Variants in MAPK4 observed in about 807,000 individuals in gnomAD.
MAPK4 encodes mitogen-activated protein kinase 4, also known as Erk3-related.
MAPK4 carries 22 observed loss-of-function variants against 47.7 expected under a neutral mutation model. The ratio of observed to expected loss-of-function variants is 0.46; its 90% confidence interval spans 0.33 to 0.66. The LOEUF (loss-of-function observed/expected upper bound fraction) is 0.66. Ranked by LOEUF, MAPK4 falls within the 30% of genes least tolerant of loss-of-function variation. The pLI, the probability that MAPK4 is intolerant of heterozygous loss-of-function variation, is 0.02. For synonymous variants in MAPK4, 390 were observed against 365.7 expected (o/e 1.07, Z -0.76); for missense variants, 736 against 831.7 (o/e 0.88, Z 1.42).
At chr18:50,591,985 G>T (rs531250576) in intron 1 of MAPK4, among the ~76,000 whole-genome samples, 1 of 152,260 alleles carries the variant, frequency 6.6e-6, no homozygotes, top group African/African-American at 2.4e-5. Flanking sequence ...AAATGAAGCA[G>T]CTTTGTACAT....
intron 2 of MAPK4, among the ~76,000 whole-genome samples, chr18:50,713,831 C>T (rs1910497746): frequency 6.6e-6 from 1 of 152,168 alleles, no homozygotes; most frequent in Non-Finnish European, 1.5e-5. Flanking sequence ...GTATTGAGGC[C>T]AGCGTATGGG....
chr18:50,630,958 T>C (rs971742064), intron 1 of MAPK4, among the ~76,000 whole-genome samples: 3 of 152,208 alleles, frequency 2.0e-5, no homozygotes, highest in African/African-American at 7.2e-5. Context: ...TCATTACCCA[T>C]GGATTCTGTA....
At chr18:50,646,097 G>A (rs749586096) in intron 1 of MAPK4, among the ~76,000 whole-genome samples, 4 of 152,202 alleles carry the variant, frequency 2.6e-5, no homozygotes, top group African/African-American at 7.2e-5. Context: ...GCTAACAGGC[G>A]AGGAAACTGA....
rs965558409 is a variant in MAPK4, at chr18:50,666,594, C to T, written c.546+2090C>T. 3.3e-5 allele frequency among the ~76,000 whole-genome samples: 5 copies of T among 151,952 alleles called. No homozygotes were observed. The East Asian group carries it at 9.7e-4, about 29-fold the overall frequency. ...TTATCCTGTCACTTGGGACTGGAAGCCACTTCCCTGGTTGAGACTTTCATT... is the reference window on the plus strand; with the variant it reads ...TTATCCTGTCACTTGGGACTGGAAGTCACTTCCCTGGTTGAGACTTTCATT... On this transcript the variant is annotated intron_variant, in intron 2 of 5. Coordinates refer to ENST00000400384, the MANE Select transcript of MAPK4 (RefSeq NM_002747.4).
intron 2 of MAPK4, among the ~76,000 whole-genome samples, chr18:50,667,077 T>C (rs546798524): frequency 6.6e-6 from 1 of 152,322 alleles, no homozygotes; most frequent in African/African-American, 2.4e-5. Context: ...ATGAAGTCTT[T>C]CCGGATTCTG....
chr18:50,628,930 T>G (rs2042805065), intron 1 of MAPK4, among the ~76,000 whole-genome samples: 1 of 152,264 alleles, frequency 6.6e-6, no homozygotes, highest in South Asian at 2.1e-4. Flanking sequence ...TTCATTTTAT[T>G]TTATATCCAG....
chr18:50,722,507 G>A lies in MAPK4; in HGVS notation c.853+408G>A, dbSNP rs760965451. On this transcript the variant is annotated intron_variant, in intron 4 of 5. Transcript: ENST00000400384. ...AGCTGTGTGGCCTCAGGCAAGGACC[G>A]CCCTTCACTCCTCAGGCTTACTCCC... Among the ~76,000 whole-genome samples the A allele has an allele frequency of 5.3e-5, 8 of 152,216 alleles. No individual in the cohort carries two copies. The East Asian group carries it at 9.7e-4, about 18-fold the overall frequency.
chr18:50,704,913 T>C (rs1430954301), intron 2 of MAPK4: 1 of 397,460 alleles, frequency 2.5e-6, no homozygotes, highest in Non-Finnish European at 4.4e-6. Flanking sequence ...TATTACCCAC[T>C]CCTCAAAAGT....
chr18:50,709,945 A>T (rs751391350), intron 2 of MAPK4, among the ~76,000 whole-genome samples: 4 of 152,000 alleles, frequency 2.6e-5, no homozygotes, highest in Non-Finnish European at 5.9e-5. Flanking sequence ...GGATGATCTG[A>T]ATCATTTTCC....
intron 2 of MAPK4, among the ~76,000 whole-genome samples, chr18:50,708,420 A>G (rs2144409431): frequency 6.6e-6 from 1 of 152,324 alleles, no homozygotes; most frequent in African/African-American, 2.4e-5. Context: ...AAAGCAAATC[A>G]TAATTTCTTA....
intron 1 of MAPK4, among the ~76,000 whole-genome samples, chr18:50,601,423 A>G (rs889318466): frequency 6.6e-6 from 1 of 151,514 alleles, no homozygotes; most frequent in African/African-American, 2.4e-5. Flanking sequence ...TCTGGAAACC[A>G]TGAAACAGTA....
chr18:50,637,761 C>G (rs2042900412), intron 1 of MAPK4, among the ~76,000 whole-genome samples: 1 of 152,190 alleles, frequency 6.6e-6, no homozygotes, highest in Non-Finnish European at 1.5e-5. Flanking sequence ...CTGGAGGTCT[C>G]TCTCCCTGGC....
chr18:50,727,088 C>G (rs1268704711), intron 5 of MAPK4, among the ~76,000 whole-genome samples: 2 of 152,220 alleles, frequency 1.3e-5, no homozygotes, highest in East Asian at 1.9e-4. Context: ...ACCAATGAAT[C>G]AGCGTTGGGT....
chr18:50,602,882 G>A (rs764264927), intron 1 of MAPK4, among the ~76,000 whole-genome samples: 32 of 152,108 alleles, frequency 2.1e-4, no homozygotes, highest in Non-Finnish European at 4.3e-4. Flanking sequence ...TGGTGCCTGA[G>A]TCCCCTATAA....
chr18:50,600,819 A>T (rs866192797), intron 1 of MAPK4, among the ~76,000 whole-genome samples: 6 of 152,264 alleles, frequency 3.9e-5, no homozygotes, highest in Middle Eastern at 3.4e-3. Flanking sequence ...GAAAAAAAAA[A>T]ATCACTAGTT....
intron 4 of MAPK4, 72 bp downstream of exon 4, chr18:50,722,171 C>A: frequency 6.7e-7 from 1 of 1,488,008 alleles, no homozygotes; most frequent in Non-Finnish European, 9.1e-7. Context: ...GGGTAGGGGG[C>A]AGGCAGGTCT....
At position 50,636,824 on chromosome 18, in the gene MAPK4, G is replaced by A. The variant is rs531935891; in HGVS notation, c.-870-26265G>A. ...TGGACGCTGCATCATAGTGTCTTAC[G>A]TCACTCAGATGCTTTTGCGTATTGG... On this transcript the variant is annotated intron_variant, in intron 1 of 5. Transcript: ENST00000400384. 3.2e-4 allele frequency among the ~76,000 whole-genome samples: 48 copies of A among 152,182 alleles called. No individual in the cohort carries two copies. In the South Asian group the frequency reaches 3.7e-3, roughly 12 times the overall value.
rs78965462 is a variant in MAPK4, at chr18:50,716,264, G to A, written c.691+1041G>A. On this transcript the variant is annotated intron_variant, in intron 3 of 5. Transcript: ENST00000400384. Reference sequence around the variant, plus strand: ...CCAAACTGCCGTGTTCTTAATCCAGGGAACCCATTTCAGCCTCATTCTGTA... The same window carrying A: ...CCAAACTGCCGTGTTCTTAATCCAGAGAACCCATTTCAGCCTCATTCTGTA... Among the ~76,000 whole-genome samples the A allele has an allele frequency of 8.3e-3, 1,259 of 152,100 alleles. 11 individuals are homozygous for A. The highest frequency in any genetic ancestry group is 0.011 in the Non-Finnish European group (733 of 67,990).
intron 1 of MAPK4, among the ~76,000 whole-genome samples, chr18:50,561,092 G>A (rs1454161773): frequency 6.6e-6 from 1 of 152,244 alleles, no homozygotes; most frequent in African/African-American, 2.4e-5. Flanking sequence ...CCCCTGGGTG[G>A]GGAATGGATT....
Sources: gnomAD v4.1 joint callset for allele counts (sites outside exome capture counted in the v4.1 genomes callset) on GRCh38, gnomAD v4.1.1 for gene constraint, MANE v1.5 for transcripts, NCBI Gene and HGNC (gene_info 2026-07-23, HGNC 2026-07-21) for gene names.